The following MBOAT2 variants were observed in gnomAD, a reference collection of about 807,000 sequenced individuals.
MBOAT2 encodes membrane bound glycerophospholipid O-acyltransferase 2.
In MBOAT2, 28 loss-of-function variants were observed where a neutral mutation model predicts 63.4. That is an observed-to-expected ratio of 0.44 (90% CI 0.33 to 0.61). The LOEUF (loss-of-function observed/expected upper bound fraction) is 0.61. Among genes scored for constraint, MBOAT2 ranks in the 20% least tolerant of loss-of-function variants. MBOAT2 has a pLI of 0.03. For synonymous variants in MBOAT2, 211 were observed against 215.6 expected (o/e 0.98, Z 0.19); for missense variants, 470 against 605.8 (o/e 0.78, Z 2.35).
At chr2:8,936,279 G>C (rs1389354382) in intron 3 of MBOAT2, among the ~76,000 whole-genome samples, 3 of 152,182 alleles carry the variant, frequency 2.0e-5, no homozygotes, top group Non-Finnish European at 4.4e-5. Flanking sequence ...TCATTTCAGA[G>C]GGTAAGGAGC....
At chr2:8,912,413 A>AAGAAAGAAAGAAAGAAAGACAGAC (rs1274023844) in intron 3 of MBOAT2, among the ~76,000 whole-genome samples, 10 of 136,874 alleles carry the variant, frequency 7.3e-5, no homozygotes, top group African/African-American at 2.7e-4. Flanking sequence ...GAAAGAAAGA[A>AAGAAAGAAAGAAAGAAAGACAGAC]AGACAGGCCG....
intron 1 of MBOAT2, among the ~76,000 whole-genome samples, chr2:8,993,636 C>A (rs533707999): frequency 6.6e-6 from 1 of 152,126 alleles, no homozygotes; most frequent in Non-Finnish European, 1.5e-5. Context: ...CCCACTAGAC[C>A]GCATCCCTCA....
chr2:8,981,947 T>C (rs191639260), intron 1 of MBOAT2, among the ~76,000 whole-genome samples: 8 of 152,230 alleles, frequency 5.3e-5, no homozygotes, highest in Admixed American at 6.5e-5. Context: ...CAAAACTCAA[T>C]GGTTAATGAA....
chr2:8,938,252 A>G (rs1667800917), intron 3 of MBOAT2, among the ~76,000 whole-genome samples: 1 of 152,208 alleles, frequency 6.6e-6, no homozygotes, highest in Admixed American at 6.5e-5. Context: ...ATTTGAGAGG[A>G]CAAGAGGATT....
intron 1 of MBOAT2, among the ~76,000 whole-genome samples, chr2:8,959,841 G>A (rs1669490472): frequency 6.6e-6 from 1 of 151,848 alleles, no homozygotes; most frequent in Admixed American, 6.6e-5. Context: ...ATAAATAAAG[G>A]AAAAAATCCA....
At chr2:8,941,789 T>C (rs956604535) in intron 3 of MBOAT2, among the ~76,000 whole-genome samples, 2 of 152,198 alleles carry the variant, frequency 1.3e-5, no homozygotes, top group Non-Finnish European at 2.9e-5. Flanking sequence ...TATTACAAAG[T>C]TAACTTCACC....
intron 4 of MBOAT2, among the ~76,000 whole-genome samples, chr2:8,899,655 GA>G (rs925770326): frequency 6.6e-6 from 1 of 152,214 alleles, no homozygotes; most frequent in African/African-American, 2.4e-5. Flanking sequence ...GGACATGGAT[GA>G]GGGGGTAGCT....
chr2:8,978,045 A>ATGAG (rs1273568642), intron 1 of MBOAT2, among the ~76,000 whole-genome samples: 2 of 152,058 alleles, frequency 1.3e-5, no homozygotes, highest in African/African-American at 2.4e-5. Flanking sequence ...CCTACACAGC[A>ATGAG]GCCACAGACA....
chr2:8,863,274 A>C (rs1386353385), intron 10 of MBOAT2, among the ~76,000 whole-genome samples: 1 of 152,202 alleles, frequency 6.6e-6, no homozygotes, highest in Non-Finnish European at 1.5e-5. Context: ...GGCACTGTGA[A>C]GAGATGACAG....
intron 4 of MBOAT2, among the ~76,000 whole-genome samples, chr2:8,896,424 G>A (rs1306010093): frequency 6.4e-5 from 5 of 78,472 alleles, no homozygotes; most frequent in Admixed American, 6.0e-4. Context: ...CGGTGGTTTT[G>A]GAGAGTCACT....
At chr2:8,881,196 A>G (rs1460452938) in intron 6 of MBOAT2, among the ~76,000 whole-genome samples, 1 of 152,228 alleles carries the variant, frequency 6.6e-6, no homozygotes, top group Non-Finnish European at 1.5e-5. Flanking sequence ...GACACCAGGA[A>G]AGAAAGTAGA....
rs183245286 is a variant in MBOAT2, at chr2:8,993,131, T to G, written c.75+10409A>C. Among the ~76,000 whole-genome samples, 100 of 152,336 alleles carry G rather than the reference T, an allele frequency of 6.6e-4. 1 individual carries two copies. The highest frequency in any genetic ancestry group is 2.3e-3 in the African/African-American group (96 of 41,578). ...CTCTTGATTAAAATGCTCATAAAGC[T>G]TCTTTTTCCAACCACACCTGACACT... On this transcript the variant is annotated intron_variant, in intron 1 of 12. Transcript: ENST00000305997.
chr2:8,913,667 A>G (rs575833513), intron 3 of MBOAT2, among the ~76,000 whole-genome samples: 1 of 152,274 alleles, frequency 6.6e-6, no homozygotes, highest in South Asian at 2.1e-4. Context: ...TAATTAAAAA[A>G]ACAGTAGATA....
rs956977038 is a variant in MBOAT2, at chr2:8,853,585, T to C, written c.*5094A>G. 1 of 152,372 alleles carries C rather than the reference T, an allele frequency of 6.6e-6. No individual in the cohort carries two copies. Among genetic ancestry groups the C allele is most frequent in the African/African-American group, 2.4e-5 (1 of 41,592 alleles). 9.4% of individuals were successfully genotyped at this position (152,372 alleles called of 1,614,324 possible). ...TTACTAAGAAACTGCCTAGTCATTTTACTTATGTTGCTCTGTAACTTTTGG... is the reference window on the plus strand; with the variant it reads ...TTACTAAGAAACTGCCTAGTCATTTCACTTATGTTGCTCTGTAACTTTTGG... On this transcript the variant is annotated 3_prime_UTR_variant, in exon 13 of 13. Coordinates refer to ENST00000305997, the MANE Select transcript of MBOAT2 (RefSeq NM_138799.4).
intron 1 of MBOAT2, among the ~76,000 whole-genome samples, chr2:9,000,026 C>T (rs1407975163): frequency 6.6e-6 from 1 of 152,224 alleles, no homozygotes; most frequent in Non-Finnish European, 1.5e-5. Flanking sequence ...CCTTGCCCTG[C>T]AAGGTGCATT....
chr2:8,959,362 A>C (rs1413399646), intron 1 of MBOAT2, among the ~76,000 whole-genome samples: 1 of 152,216 alleles, frequency 6.6e-6, no homozygotes, highest in Non-Finnish European at 1.5e-5. Flanking sequence ...CACTCTGGTA[A>C]GACTGCTGCT....
Position 8,926,741 on chromosome 2 carries a change from G to A in MBOAT2, c.299+16446C>T, listed in dbSNP as rs189965744. On this transcript the variant is annotated intron_variant, in intron 3 of 12. Coordinates refer to ENST00000305997, the MANE Select transcript of MBOAT2 (RefSeq NM_138799.4). ...AGATACTGTAAAAATCATCTGGGCA[G>A]CAAAGCACAGCACAGACCAGAGGCC... Among the ~76,000 whole-genome samples the A allele has an allele frequency of 5.0e-4, 76 of 152,304 alleles. 1 individual carries two copies. The highest frequency in any genetic ancestry group is 9.4e-4 in the Non-Finnish European group (64 of 68,026).
chr2:8,947,903 T>C (rs1446036599), intron 2 of MBOAT2, among the ~76,000 whole-genome samples: 2 of 152,206 alleles, frequency 1.3e-5, no homozygotes, highest in African/African-American at 4.8e-5. Context: ...TCAAGTCTTG[T>C]TATTTAAGAA....
chr2:8,963,134 G>T (rs1374357985), intron 1 of MBOAT2, among the ~76,000 whole-genome samples: 1 of 151,922 alleles, frequency 6.6e-6, no homozygotes, highest in African/African-American at 2.4e-5. Flanking sequence ...AGCTACTGGG[G>T]AGGTGAGGTG....
Sources: gnomAD v4.1 joint callset for allele counts (sites outside exome capture counted in the v4.1 genomes callset) on GRCh38, gnomAD v4.1.1 for gene constraint, MANE v1.5 for transcripts, NCBI Gene and HGNC (gene_info 2026-07-23, HGNC 2026-07-21) for gene names.